The following CTNNA2 variants were observed in gnomAD, a reference collection of about 807,000 sequenced individuals.
CTNNA2 encodes the protein catenin alpha-2.
Under a neutral mutation model 101.0 loss-of-function variants are expected in CTNNA2, and 42 were observed. That is an observed-to-expected ratio of 0.42 (90% CI 0.32 to 0.54). CTNNA2 has a LOEUF of 0.54. CTNNA2 is among the 20% of genes least tolerant of loss of function. The probability of loss-of-function intolerance (pLI) is 0.14; values close to 1 mark genes in which losing one functional copy is unlikely to be tolerated. For synonymous variants in CTNNA2, 450 were observed against 456.4 expected (o/e 0.99, Z 0.18); for missense variants, 871 against 1,223.1 (o/e 0.71, Z 4.29).
At chr2:79,667,845 G>A (rs1316005803) in intron 2 of CTNNA2, among the ~76,000 whole-genome samples, 2 of 152,170 alleles carry the variant, frequency 1.3e-5, no homozygotes, top group African/African-American at 2.4e-5. Context: ...GTACATCTAT[G>A]AAAACTATAG....
chr2:79,560,594 C>T (rs10195202), intron 1 of CTNNA2, among the ~76,000 whole-genome samples: 6,494 of 151,804 alleles, frequency 0.043, 218 homozygotes, highest in African/African-American at 0.091. Flanking sequence ...ATGCTATGGC[C>T]ATTAGGAAGC....
At chr2:80,232,341 GTTTGTTTTTTTTTTTTTTTTT>G (rs1709282236) in intron 7 of CTNNA2, among the ~76,000 whole-genome samples, 16 of 82,040 alleles carry the variant, frequency 2.0e-4, no homozygotes, top group African/African-American at 3.6e-4. Flanking sequence ...TTGTTTGTTT[GTTTGTTTTTTTTTTTTTTTTT>G]TTTTTTTTTT....
At chr2:80,589,860 CTGTGTGTGTGTGTGTGTGTGTG>C (rs59206973) in intron 15 of CTNNA2, among the ~76,000 whole-genome samples, 3 of 140,578 alleles carry the variant, frequency 2.1e-5, no homozygotes, top group East Asian at 4.5e-4. Flanking sequence ...ATATGTACCT[CTGTGTGTGTGTGTGTGTGTGTG>C]TGTGTGTGTG....
intron 9 of CTNNA2, among the ~76,000 whole-genome samples, chr2:80,512,169 A>AG (rs1559170367): frequency 6.6e-6 from 1 of 150,594 alleles, no homozygotes; most frequent in Non-Finnish European, 1.5e-5. Flanking sequence ...AAAAAAAAAA[A>AG]AAAAAAGTAT....
chr2:79,892,427 C>G (rs2104216681), intron 6 of CTNNA2, among the ~76,000 whole-genome samples: 1 of 149,836 alleles, frequency 6.7e-6, no homozygotes, highest in Admixed American at 6.6e-5. Context: ...AAAAAAAAAC[C>G]CCACAAAATA....
intron 7 of CTNNA2, among the ~76,000 whole-genome samples, chr2:80,100,737 C>T (rs530994879): frequency 3.9e-5 from 6 of 152,284 alleles, no homozygotes; most frequent in East Asian, 3.9e-4. Flanking sequence ...GGCAACTCTT[C>T]GTCTGAGGCT....
At chr2:79,467,650 G>C (rs187840528) in intron 4 of CTNNA2, among the ~76,000 whole-genome samples, 2 of 152,254 alleles carry the variant, frequency 1.3e-5, no homozygotes, top group East Asian at 3.9e-4. Context: ...ACCCACAAAG[G>C]GAAGCCTATC....
intron 7 of CTNNA2, among the ~76,000 whole-genome samples, chr2:79,926,710 A>C (rs1473863251): frequency 6.6e-6 from 1 of 152,004 alleles, no homozygotes; most frequent in African/African-American, 2.4e-5. Context: ...CTTATAAATA[A>C]AATTTAGAAT....
At chr2:80,164,142 T>C (rs1180120475) in intron 7 of CTNNA2, among the ~76,000 whole-genome samples, 2 of 151,908 alleles carry the variant, frequency 1.3e-5, no homozygotes, top group African/African-American at 4.8e-5. Flanking sequence ...TTAGGTTATT[T>C]GCATTTAATG....
intron 2 of CTNNA2, among the ~76,000 whole-genome samples, chr2:79,274,665 A>G (rs1675167360): frequency 6.6e-6 from 1 of 152,078 alleles, no homozygotes; most frequent in African/African-American, 2.4e-5. Flanking sequence ...AAAACATTCA[A>G]CCATATATTG....
At chr2:80,463,468 C>T (rs536067889) in intron 9 of CTNNA2, among the ~76,000 whole-genome samples, 4 of 152,226 alleles carry the variant, frequency 2.6e-5, no homozygotes, top group Admixed American at 6.5e-5. Flanking sequence ...AAGAATCATT[C>T]GGCTCTGGTT....
intron 1 of CTNNA2, among the ~76,000 whole-genome samples, chr2:79,541,427 C>CATATAT (rs9284785): frequency 7.8e-4 from 112 of 142,792 alleles, no homozygotes; most frequent in East Asian, 4.8e-3. Context: ...CGCACACACA[C>CATATAT]ATATATATAT....
intron 3 of CTNNA2, among the ~76,000 whole-genome samples, chr2:79,364,425 T>C (rs2104449592): frequency 6.6e-6 from 1 of 152,318 alleles, no homozygotes; most frequent in East Asian, 1.9e-4. Context: ...TATGTTGTGA[T>C]TTATAGGGTT....
intron 3 of CTNNA2, among the ~76,000 whole-genome samples, chr2:79,805,372 A>T (rs1676487801): frequency 6.6e-6 from 1 of 152,188 alleles, no homozygotes; most frequent in Non-Finnish European, 1.5e-5. Flanking sequence ...CAATATTTTA[A>T]AATAATTTTG....
At chr2:79,215,881 G>A (rs894445633) in intron 2 of CTNNA2, among the ~76,000 whole-genome samples, 13 of 152,100 alleles carry the variant, frequency 8.5e-5, no homozygotes, top group South Asian at 6.3e-4. Flanking sequence ...GACCTAGCTC[G>A]GCCTTGCGAG....
chr2:80,646,109 A>G (rs1573560008), intron 18 of CTNNA2, among the ~76,000 whole-genome samples: 1 of 152,268 alleles, frequency 6.6e-6, no homozygotes, highest in East Asian at 1.9e-4. Context: ...TATTTTGTTA[A>G]TAAGAAATGA....
intron 3 of CTNNA2, among the ~76,000 whole-genome samples, chr2:79,324,941 G>T (rs891943995): frequency 8.5e-5 from 13 of 152,114 alleles, no homozygotes; most frequent in African/African-American, 3.1e-4. Flanking sequence ...ATAGGGCCAG[G>T]TTCGGCAGAG....
At chr2:79,568,598 A>G (rs966039674) in intron 1 of CTNNA2, among the ~76,000 whole-genome samples, 2 of 152,208 alleles carry the variant, frequency 1.3e-5, no homozygotes, top group Admixed American at 6.5e-5. Context: ...CTCCCTCTCA[A>G]AAAAAGAAAA....
chr2:79,766,405 G>A (rs1242912503), intron 3 of CTNNA2, among the ~76,000 whole-genome samples: 1 of 152,116 alleles, frequency 6.6e-6, no homozygotes, highest in Non-Finnish European at 1.5e-5. Context: ...AGATGTATTG[G>A]AGCTCCAGTG....
Sources: allele counts gnomAD v4.1 joint callset (sites outside exome capture counted in the v4.1 genomes callset), GRCh38; gene constraint gnomAD v4.1.1; transcripts MANE v1.5; gene names NCBI Gene and HGNC (gene_info 2026-07-23, HGNC 2026-07-21).